Variants in CUEDC1 observed in about 807,000 individuals in gnomAD.
CUEDC1 encodes CUE domain containing 1, also known as CUE domain-containing protein 1.
In CUEDC1, 30 loss-of-function variants were observed where a neutral mutation model predicts 43.7. That is an observed-to-expected ratio of 0.69 (90% CI 0.51 to 0.93). CUEDC1 has a LOEUF of 0.93. Among genes scored for constraint, CUEDC1 ranks in the 40% least tolerant of loss-of-function variants. The pLI is 0.00. For missense variants in CUEDC1, 486 were observed against 549.0 expected, an observed-to-expected ratio of 0.89 and a Z score of 1.15; for synonymous variants, 223 against 223.6, an observed-to-expected ratio of 1.00 and a Z score of 0.02.
chr17:57,872,252 T>TC (rs1274479946), intron 5 of CUEDC1, among the ~76,000 whole-genome samples: 1 of 152,140 alleles, frequency 6.6e-6, no homozygotes, highest in African/African-American at 2.4e-5. Flanking sequence ...CTCAAGAGCC[T>TC]CCCCCGCCCT....
At chr17:57,893,374 T>TGTGTGTGTGTGTGTGTGTGTGTGTGTG (rs397762963) in intron 1 of CUEDC1, among the ~76,000 whole-genome samples, 38 of 151,944 alleles carry the variant, frequency 2.5e-4, no homozygotes, top group Non-Finnish European at 3.2e-4. Context: ...TGTGTGTGTG[T>TGTGTGTGTGTGTGTGTGTGTGTGTGTG]TTCAGGCAGC....
intron 1 of CUEDC1, among the ~76,000 whole-genome samples, chr17:57,896,770 T>TC (rs1004021746): frequency 1.4e-5 from 2 of 138,382 alleles, no homozygotes; most frequent in African/African-American, 2.7e-5. Context: ...CTTCTTTCTT[T>TC]TTTTTTTTTT....
intron 1 of CUEDC1, among the ~76,000 whole-genome samples, chr17:57,952,021 G>C (rs566053661): frequency 6.6e-6 from 1 of 152,188 alleles, no homozygotes; most frequent in African/African-American, 2.4e-5. Context: ...CTAGCATCCT[G>C]AACTCACCAA....
chr17:57,941,423 G>A (rs1278218360), intron 1 of CUEDC1, among the ~76,000 whole-genome samples: 6 of 152,142 alleles, frequency 3.9e-5, no homozygotes, highest in Non-Finnish European at 1.5e-5. Flanking sequence ...TCACTACAAC[G>A]TGCCCATCCA....
intron 1 of CUEDC1, among the ~76,000 whole-genome samples, chr17:57,886,977 C>A (rs943105255): frequency 6.6e-6 from 1 of 152,016 alleles, no homozygotes; most frequent in East Asian, 1.9e-4. Flanking sequence ...CGCCACCACA[C>A]CCGGCTAATT....
At chr17:57,869,249 C>G (rs1238561917) in intron 6 of CUEDC1, 56 bp from the exon 7 acceptor site, 1 of 1,466,354 alleles carries the variant, frequency 6.8e-7, no homozygotes, top group African/African-American at 1.4e-5. Flanking sequence ...GGCCGCTGTC[C>G]CAGCCCTACC....
In CUEDC1 at chr17:57,939,210, G is replaced by A. The variant is rs534957585; in HGVS notation, c.-316+16015C>T. Among the ~76,000 whole-genome samples, 84 of 147,252 alleles carry A rather than the reference G, an allele frequency of 5.7e-4. 1 individual carries two copies. Among genetic ancestry groups the A allele is most frequent in the African/African-American group, 2.0e-3 (81 of 39,778 alleles). Reference sequence around the variant, plus strand: ...TTGAACTCCTGACCTCAAGTGATCTGCCTGCCTTGGCCCCCCAAAGTGCTG... The same window carrying A: ...TTGAACTCCTGACCTCAAGTGATCTACCTGCCTTGGCCCCCCAAAGTGCTG... On this transcript the variant is annotated intron_variant, in intron 1 of 10. Coordinates refer to ENST00000577830, the MANE Select transcript of CUEDC1 (RefSeq NM_001271875.2).
At chr17:57,916,166 A>C (rs1209855829) in intron 1 of CUEDC1, among the ~76,000 whole-genome samples, 2 of 152,232 alleles carry the variant, frequency 1.3e-5, no homozygotes, top group Non-Finnish European at 2.9e-5. Context: ...TCCGACTCCT[A>C]CCCAGCAACC....
At chr17:57,865,989 A>T (rs2073951992) in intron 10 of CUEDC1, among the ~76,000 whole-genome samples, 1 of 151,894 alleles carries the variant, frequency 6.6e-6, no homozygotes. Context: ...CGCCAGGCTA[A>T]TTTTTGTATT....
chr17:57,915,878 T>C (rs1164477600), intron 1 of CUEDC1, among the ~76,000 whole-genome samples: 1 of 152,186 alleles, frequency 6.6e-6, no homozygotes, highest in African/African-American at 2.4e-5. Flanking sequence ...TCTAAAGACA[T>C]GCTCCCAAGC....
rs2073902475 is a variant in CUEDC1 at position 57,862,941 on chromosome 17, C to T, written c.*348G>A. On this transcript the variant is annotated 3_prime_UTR_variant, in exon 11 of 11. Transcript: ENST00000577830. ...GGTCATCTTGCCCTTTTCCATATTCCAACTTTTATCTGCTTTCTGGATTTT... is the reference window on the plus strand; with the variant it reads ...GGTCATCTTGCCCTTTTCCATATTCTAACTTTTATCTGCTTTCTGGATTTT... 1 of 152,118 alleles carries T rather than the reference C, an allele frequency of 6.6e-6. No individual in the cohort carries two copies. The highest frequency in any genetic ancestry group is 2.1e-4 in the South Asian group (1 of 4,820). 9.4% of individuals were successfully genotyped at this position (152,118 alleles called of 1,614,324 possible). A position where few individuals can be genotyped will look rare whatever the true frequency, so the allele number is the denominator to read the frequency against.
chr17:57,897,952 G>A (rs2074431021), intron 1 of CUEDC1, among the ~76,000 whole-genome samples: 1 of 152,164 alleles, frequency 6.6e-6, no homozygotes, highest in Admixed American at 6.5e-5. Context: ...TGCAGAGGTT[G>A]CAATGAGCCG....
chr17:57,876,079 G>C (rs1237271910), intron 3 of CUEDC1, among the ~76,000 whole-genome samples: 2 of 152,118 alleles, frequency 1.3e-5, no homozygotes, highest in Non-Finnish European at 2.9e-5. Context: ...GGTAGCAGAT[G>C]GGGGCCAGGC....
intron 1 of CUEDC1, among the ~76,000 whole-genome samples, chr17:57,890,685 C>G (rs1397305851): frequency 6.6e-6 from 1 of 152,236 alleles, no homozygotes; most frequent in South Asian, 2.1e-4. Flanking sequence ...CTAGCATAAG[C>G]ACGCAGCCAA....
intron 1 of CUEDC1, among the ~76,000 whole-genome samples, chr17:57,916,334 C>T (rs954310697): frequency 6.6e-6 from 1 of 152,252 alleles, no homozygotes; most frequent in Non-Finnish European, 1.5e-5. Flanking sequence ...GGGTCTCCCA[C>T]CCCAGGCCCT....
chr17:57,893,021 G>C (rs536417529), intron 1 of CUEDC1, among the ~76,000 whole-genome samples: 2 of 152,346 alleles, frequency 1.3e-5, no homozygotes, highest in African/African-American at 4.8e-5. Flanking sequence ...CAAGCCACTT[G>C]CCAGCGCTCT....
intron 3 of CUEDC1, among the ~76,000 whole-genome samples, chr17:57,876,815 T>A (rs539579742): frequency 6.6e-6 from 1 of 152,282 alleles, no homozygotes; most frequent in African/African-American, 2.4e-5. Context: ...CCAGCCAGTG[T>A]AGCTGGGGGA....
intron 1 of CUEDC1, among the ~76,000 whole-genome samples, chr17:57,943,976 C>T (rs1374952494): frequency 6.6e-6 from 1 of 152,124 alleles, no homozygotes. Flanking sequence ...ACTCAGCCTC[C>T]TGGCTTTGGA....
intron 2 of CUEDC1, among the ~76,000 whole-genome samples, chr17:57,882,584 A>G (rs2144957874): frequency 6.6e-6 from 1 of 152,258 alleles, no homozygotes; most frequent in South Asian, 2.1e-4. Flanking sequence ...TTGACTCTCA[A>G]ATAACAAGAG....
Sources: gnomAD v4.1 joint callset for allele counts (sites outside exome capture counted in the v4.1 genomes callset) on GRCh38, gnomAD v4.1.1 for gene constraint, MANE v1.5 for transcripts, NCBI Gene and HGNC (gene_info 2026-07-23, HGNC 2026-07-21) for gene names.